The following ASTN2 variants were observed in gnomAD, a reference collection of about 807,000 sequenced individuals.
The protein encoded by ASTN2 is astrotactin-2.
In ASTN2, 54 loss-of-function variants were observed where a neutral mutation model predicts 139.8. That is an observed-to-expected ratio of 0.39 (90% CI 0.31 to 0.48). The LOEUF (loss-of-function observed/expected upper bound fraction) is 0.48, where lower values mean the gene tolerates loss of function less well. Among genes scored for constraint, ASTN2 ranks in the 20% least tolerant of loss-of-function variants. ASTN2 has a pLI of 0.95. For synonymous variants in ASTN2, 756 were observed against 719.5 expected (o/e 1.05, Z -0.81); for missense variants, 1,565 against 1,725.1 (o/e 0.91, Z 1.64).
chr9:116,641,009 C>T (rs16933791), intron 17 of ASTN2, among the ~76,000 whole-genome samples: 3,612 of 152,216 alleles, frequency 0.024, 138 homozygotes, highest in African/African-American at 0.082. Context: ...TCAAGGCTGA[C>T]TCCTTGGTTT....
intron 10 of ASTN2, among the ~76,000 whole-genome samples, chr9:116,897,703 A>G (rs1466528222): frequency 6.6e-6 from 1 of 152,148 alleles, no homozygotes; most frequent in African/African-American, 2.4e-5. Context: ...AGTTCAAAAA[A>G]TATTGCTGAG....
intron 1 of ASTN2, among the ~76,000 whole-genome samples, chr9:117,379,661 C>T (rs185360517): frequency 6.6e-6 from 1 of 152,314 alleles, no homozygotes; most frequent in East Asian, 1.9e-4. Flanking sequence ...GAATAAGATG[C>T]TATCCTGTCC....
chr9:116,850,693 G>C (rs539614158), intron 11 of ASTN2, among the ~76,000 whole-genome samples: 6 of 152,118 alleles, frequency 3.9e-5, no homozygotes, highest in African/African-American at 1.4e-4. Flanking sequence ...TGCCTAAAAG[G>C]TTCTCCTCTT....
intron 3 of ASTN2, among the ~76,000 whole-genome samples, chr9:117,198,630 T>A (rs1324513143): frequency 6.6e-6 from 1 of 152,174 alleles, no homozygotes; most frequent in Non-Finnish European, 1.5e-5. Context: ...ATAGAATGAT[T>A]TATATTCCTT....
chr9:116,638,588 C>A lies in ASTN2; in HGVS notation c.3072+12940G>T, dbSNP rs803921. ...GCCTCTAGACCTAACTACACAGTTA[C>A]AAGAAATACAAGGCCAGATAAGGAC... On this transcript the variant is annotated intron_variant, in intron 17 of 22. Transcript: ENST00000313400. Among the ~76,000 whole-genome samples, 817 of 150,736 alleles carry A rather than the reference C, an allele frequency of 5.4e-3. 7 individuals carry two copies. Among genetic ancestry groups the A allele is most frequent in the African/African-American group, 0.019 (773 of 41,284 alleles).
intron 1 of ASTN2, among the ~76,000 whole-genome samples, chr9:117,359,950 A>G (rs1452137635): frequency 1.3e-5 from 2 of 152,212 alleles, no homozygotes; most frequent in Admixed American, 1.3e-4. Context: ...GATGGCGGTG[A>G]ACATCGGCTT....
intron 1 of ASTN2, among the ~76,000 whole-genome samples, chr9:117,391,235 TA>T (rs1266155750): frequency 6.6e-6 from 1 of 152,168 alleles, no homozygotes; most frequent in African/African-American, 2.4e-5. Context: ...TGTATTTCAT[TA>T]TAAGCACAAT....
intron 10 of ASTN2, among the ~76,000 whole-genome samples, chr9:116,972,287 C>A (rs1000415930): frequency 1.3e-5 from 2 of 152,052 alleles, no homozygotes; most frequent in African/African-American, 4.8e-5. Context: ...TTGTTAGATT[C>A]ATCCAAGGTG....
At chr9:116,708,584 C>A (rs1162164717) in intron 16 of ASTN2, among the ~76,000 whole-genome samples, 1 of 152,142 alleles carries the variant, frequency 6.6e-6, no homozygotes, top group Non-Finnish European at 1.5e-5. Flanking sequence ...TTGGCACACT[C>A]ACTGAGGACA....
chr9:117,058,682 C>T (rs1343583963), intron 5 of ASTN2, among the ~76,000 whole-genome samples: 1 of 152,160 alleles, frequency 6.6e-6, no homozygotes, highest in Non-Finnish European at 1.5e-5. Flanking sequence ...GAAATTGAGC[C>T]AGATACTGCT....
chr9:117,285,248 C>T (rs1834418792), intron 2 of ASTN2, among the ~76,000 whole-genome samples: 1 of 151,128 alleles, frequency 6.6e-6, no homozygotes, highest in Non-Finnish European at 1.5e-5. Flanking sequence ...CCATAGTTGG[C>T]TCAATCTGAG....
intron 2 of ASTN2, among the ~76,000 whole-genome samples, chr9:117,242,460 C>G (rs1001534051): frequency 1.3e-5 from 2 of 152,154 alleles, no homozygotes; most frequent in African/African-American, 4.8e-5. Flanking sequence ...AGAAACAGAA[C>G]AGGGATATGC....
intron 19 of ASTN2, among the ~76,000 whole-genome samples, chr9:116,513,651 T>G (rs575622612): frequency 3.0e-4 from 46 of 152,238 alleles, no homozygotes; most frequent in Non-Finnish European, 6.3e-4. Flanking sequence ...CAGACGTAGA[T>G]TTGGTCTTTT....
intron 7 of ASTN2, among the ~76,000 whole-genome samples, chr9:116,988,862 G>C (rs981829908): frequency 6.6e-6 from 1 of 152,054 alleles, no homozygotes; most frequent in African/African-American, 2.4e-5. Flanking sequence ...CCTGCAAATT[G>C]CTGGGTGGCC....
intron 6 of ASTN2, among the ~76,000 whole-genome samples, chr9:117,036,961 A>G (rs897691782): frequency 3.9e-5 from 6 of 152,130 alleles, no homozygotes; most frequent in African/African-American, 1.4e-4. Context: ...TCTATGCATC[A>G]TCTGCCTTAG....
At chr9:116,741,599 G>A (rs1265603178) in intron 13 of ASTN2, among the ~76,000 whole-genome samples, 1 of 152,170 alleles carries the variant, frequency 6.6e-6, no homozygotes, top group East Asian at 1.9e-4. Flanking sequence ...TCTTGGCTCT[G>A]TCACTGGCTG....
chr9:117,188,380 C>T (rs554877125), intron 3 of ASTN2, among the ~76,000 whole-genome samples: 27 of 152,116 alleles, frequency 1.8e-4, no homozygotes, highest in South Asian at 1.2e-3. Context: ...AAGTTGCCTG[C>T]GTATATTAAT....
chr9:116,981,480 C>G (rs1020669370), intron 7 of ASTN2, among the ~76,000 whole-genome samples: 1 of 152,192 alleles, frequency 6.6e-6, no homozygotes, highest in South Asian at 2.1e-4. Context: ...AGAAAAGACC[C>G]TTAAAGATCA....
intron 7 of ASTN2, among the ~76,000 whole-genome samples, chr9:117,005,259 T>TC (rs1837322088): frequency 6.6e-6 from 1 of 151,006 alleles, no homozygotes; most frequent in East Asian, 1.9e-4. Flanking sequence ...TATTTTTTTT[T>TC]TTTTGTATTT....
Sources: gnomAD v4.1 joint callset for allele counts (sites outside exome capture counted in the v4.1 genomes callset) on GRCh38, gnomAD v4.1.1 for gene constraint, MANE v1.5 for transcripts, NCBI Gene and HGNC (gene_info 2026-07-23, HGNC 2026-07-21) for gene names.